Variants in LTBP1 observed in about 807,000 individuals in gnomAD.
LTBP1 encodes the protein latent-transforming growth factor beta-binding protein 1.
In LTBP1, 129 loss-of-function variants were observed where a neutral mutation model predicts 207.6. The observed-to-expected ratio is 0.62, with a 90% CI of 0.54 to 0.72. The LOEUF is 0.72. LTBP1 is among the 30% of genes least tolerant of loss of function. LTBP1 has a pLI of 0.00. For missense variants in LTBP1, 2,281 were observed against 2,217.2 expected, an observed-to-expected ratio of 1.03 and a Z score of -0.58; for synonymous variants, 963 against 833.7, an observed-to-expected ratio of 1.16 and a Z score of -2.67.
At chr2:32,962,963 C>T (rs377727441) in intron 2 of LTBP1, among the ~76,000 whole-genome samples, 2 of 152,258 alleles carry the variant, frequency 1.3e-5, no homozygotes, top group African/African-American at 2.4e-5. Flanking sequence ...CCCATCTCCT[C>T]CTCCCTTTCC....
intron 5 of LTBP1, among the ~76,000 whole-genome samples, chr2:33,178,416 A>T (rs184586277): frequency 6.6e-6 from 1 of 152,238 alleles, no homozygotes; most frequent in African/African-American, 2.4e-5. Flanking sequence ...CAAAGTTGAG[A>T]TGATGAATGG....
rs146497780 is a variant in LTBP1, at chr2:33,034,954, G to T, written c.863+13748G>T. ...TGTTCTTCAGTTTTATTTTTATACC[G>T]CAGAATGCCAAAATTTGAAGAGGGG... On this transcript the variant is annotated intron_variant, in intron 3 of 33. Transcript: ENST00000404816. Among the ~76,000 whole-genome samples, 667 of 152,236 alleles carry T rather than the reference G, an allele frequency of 4.4e-3. 8 individuals are homozygous for T. The highest frequency in any genetic ancestry group is 0.015 in the African/African-American group (620 of 41,540).
At chr2:32,950,948 C>T (rs1677011889) in intron 2 of LTBP1, among the ~76,000 whole-genome samples, 1 of 152,216 alleles carries the variant, frequency 6.6e-6, no homozygotes, top group Non-Finnish European at 1.5e-5. Flanking sequence ...CTCTTCATGG[C>T]TTCCTGCTTC....
intron 3 of LTBP1, among the ~76,000 whole-genome samples, chr2:33,069,183 C>G (rs1232698145): frequency 6.6e-6 from 1 of 152,122 alleles, no homozygotes; most frequent in East Asian, 1.9e-4. Flanking sequence ...TGTTAGGTAT[C>G]CCTGGTACCC....
chr2:33,002,642 A>C (rs1686199236), intron 2 of LTBP1, among the ~76,000 whole-genome samples: 1 of 151,874 alleles, frequency 6.6e-6, no homozygotes, highest in Non-Finnish European at 1.5e-5. Context: ...CATTTCTAGC[A>C]CTGGGCTGAG....
chr2:33,250,103 G>A (rs1339484277), intron 10 of LTBP1, among the ~76,000 whole-genome samples: 1 of 152,114 alleles, frequency 6.6e-6, no homozygotes, highest in African/African-American at 2.4e-5. Context: ...CTGGGTTTAC[G>A]CATCATATTG....
intron 4 of LTBP1, among the ~76,000 whole-genome samples, chr2:33,120,579 C>T (rs1291417434): frequency 6.6e-6 from 1 of 152,120 alleles, no homozygotes. Flanking sequence ...TTTCTTTATC[C>T]AGTCTGTTAT....
chr2:33,357,034 A>G (rs2094870945), intron 26 of LTBP1, among the ~76,000 whole-genome samples: 1 of 152,250 alleles, frequency 6.6e-6, no homozygotes, highest in Non-Finnish European at 1.5e-5. Flanking sequence ...AAACCTTCAG[A>G]ACACATTGTA....
At chr2:33,340,259 A>G (rs1046163155) in intron 24 of LTBP1, among the ~76,000 whole-genome samples, 2 of 38,000 alleles carry the variant, frequency 5.3e-5, no homozygotes, top group African/African-American at 1.1e-4. Flanking sequence ...CTCTGTCTCA[A>G]AAAAAAAAAA....
intron 2 of LTBP1, among the ~76,000 whole-genome samples, chr2:33,014,564 A>G (rs1412663520): frequency 6.6e-6 from 1 of 152,206 alleles, no homozygotes; most frequent in Non-Finnish European, 1.5e-5. Context: ...ACATGCTGCA[A>G]CTTGTTTGGA....
At chr2:33,132,610 T>G (rs1422450185) in intron 4 of LTBP1, among the ~76,000 whole-genome samples, 1 of 152,228 alleles carries the variant, frequency 6.6e-6, no homozygotes, top group Admixed American at 6.5e-5. Context: ...AGCATCCTAT[T>G]GGATGTCATT....
At chr2:33,201,228 A>C (rs2089216295) in intron 7 of LTBP1, among the ~76,000 whole-genome samples, 2 of 152,212 alleles carry the variant, frequency 1.3e-5, no homozygotes, top group Non-Finnish European at 2.9e-5. Context: ...GAACCAACCC[A>C]AATGGCCAAC....
In LTBP1 at chr2:33,020,907, A is replaced by T; in HGVS notation, c.566-2A>T. The T allele has an allele frequency of 6.4e-7, 1 of 1,570,944 alleles. No homozygotes were observed. Among genetic ancestry groups the T allele is most frequent in the African/African-American group, 1.3e-5 (1 of 74,100 alleles). ...GCTGTGCCTTCTGTTTTCTTTCTGC[A>T]GCTAGCTGTGTTCCGCCATGTCAGA... On this transcript the variant is annotated splice_acceptor_variant, in intron 2 of 33. Coordinates refer to ENST00000404816, the MANE Select transcript of LTBP1 (RefSeq NM_206943.4). LOFTEE classifies it high-confidence loss of function.
At chr2:33,259,205 A>G (rs1002089255) in intron 12 of LTBP1, among the ~76,000 whole-genome samples, 1 of 152,242 alleles carries the variant, frequency 6.6e-6, no homozygotes, top group African/African-American at 2.4e-5. Flanking sequence ...ATTATATACC[A>G]TAAGGATAAA....
intron 22 of LTBP1, among the ~76,000 whole-genome samples, chr2:33,303,187 T>C (rs1220955971): frequency 6.6e-6 from 1 of 152,088 alleles, no homozygotes; most frequent in African/African-American, 2.4e-5. Flanking sequence ...GAATCTATTC[T>C]AGAACTAAGT....
intron 3 of LTBP1, among the ~76,000 whole-genome samples, chr2:33,093,125 G>T (rs978569355): frequency 6.6e-6 from 1 of 152,330 alleles, no homozygotes; most frequent in East Asian, 1.9e-4. Flanking sequence ...TTCTGAAGTG[G>T]AACGTGTCTT....
At chr2:33,216,129 C>T (rs1037726294) in intron 7 of LTBP1, among the ~76,000 whole-genome samples, 7 of 152,118 alleles carry the variant, frequency 4.6e-5, no homozygotes, top group Admixed American at 1.3e-4. Context: ...GCATTTGCAA[C>T]GTGTACTGTG....
chr2:33,239,990 A>C (rs2092244174), intron 9 of LTBP1, among the ~76,000 whole-genome samples: 1 of 152,132 alleles, frequency 6.6e-6, no homozygotes, highest in Admixed American at 6.5e-5. Context: ...TTCCTTCACA[A>C]ATAAGCTATT....
In LTBP1 at chr2:32,969,390, A is replaced by G. The variant is rs150991886; in HGVS notation, c.565+20445A>G. Among the ~76,000 whole-genome samples, 4 of 152,298 alleles carry G rather than the reference A, an allele frequency of 2.6e-5. No homozygotes were observed. In the East Asian group the frequency reaches 7.7e-4, roughly 29 times the overall value. On this transcript the variant is annotated intron_variant, in intron 2 of 33. Transcript: ENST00000404816. Reference sequence around the variant, plus strand: ...ATTTCATCACCTGAGGAATAAGCACAGTACCTAATAGGTAGTTTTTTGATC... The same window carrying G: ...ATTTCATCACCTGAGGAATAAGCACGGTACCTAATAGGTAGTTTTTTGATC...
Sources: gnomAD v4.1 joint callset for allele counts (sites outside exome capture counted in the v4.1 genomes callset) on GRCh38, gnomAD v4.1.1 for gene constraint, MANE v1.5 for transcripts, NCBI Gene and HGNC (gene_info 2026-07-23, HGNC 2026-07-21) for gene names.